GNA14: variants seen among roughly 807,000 people sequenced by gnomAD.
The protein encoded by GNA14 is guanine nucleotide-binding protein subunit alpha-14.
A neutral mutation model predicts 42.0 loss-of-function variants in GNA14; 50 were observed. The observed-to-expected ratio is 1.19, with a 90% CI of 0.95 to 1.51. The LOEUF (loss-of-function observed/expected upper bound fraction) is 1.51, where lower values mean the gene tolerates loss of function less well. Ranked by LOEUF, GNA14 falls within the 40% of genes most tolerant of loss-of-function variation. The pLI is 0.00. For synonymous variants in GNA14, 173 were observed against 163.1 expected (o/e 1.06, Z -0.46); for missense variants, 473 against 446.2 (o/e 1.06, Z -0.54).
At chr9:77,465,392 C>A (rs2131716510) in intron 2 of GNA14, among the ~76,000 whole-genome samples, 1 of 152,280 alleles carries the variant, frequency 6.6e-6, no homozygotes. Context: ...TAGGAAAATA[C>A]CACATTTATT....
intron 2 of GNA14, among the ~76,000 whole-genome samples, chr9:77,525,695 C>A (rs908479225): frequency 2.6e-5 from 4 of 151,926 alleles, no homozygotes; most frequent in South Asian, 2.1e-4. Context: ...CCCGCCAACA[C>A]GCCCGGCTAA....
At chr9:77,618,428 C>T (rs920343348) in intron 1 of GNA14, among the ~76,000 whole-genome samples, 2 of 151,282 alleles carry the variant, frequency 1.3e-5, no homozygotes, top group African/African-American at 4.9e-5. Flanking sequence ...TCTCATTTTA[C>T]AGTAGCTCTC....
intron 2 of GNA14, among the ~76,000 whole-genome samples, chr9:77,478,044 A>T (rs138047431): frequency 1.1e-3 from 171 of 151,054 alleles, no homozygotes; most frequent in African/African-American, 3.8e-3. Flanking sequence ...TTTTTTTTTA[A>T]ACTTTAAGTT....
At chr9:77,554,941 C>T (rs1490104890) in intron 1 of GNA14, among the ~76,000 whole-genome samples, 1 of 152,068 alleles carries the variant, frequency 6.6e-6, no homozygotes, top group Admixed American at 6.6e-5. Flanking sequence ...GATAACAAAA[C>T]GTTGGTGGAT....
At chr9:77,481,862 G>C (rs1836558412) in intron 2 of GNA14, among the ~76,000 whole-genome samples, 1 of 152,042 alleles carries the variant, frequency 6.6e-6, no homozygotes, top group African/African-American at 2.4e-5. Context: ...TCAGAGACTA[G>C]GATTGCAACT....
At position 77,492,640 on chromosome 9, in the gene GNA14, T is replaced by C. The variant is rs545562148; in HGVS notation, c.309+36429A>G. Among the ~76,000 whole-genome samples, 5 of 152,204 alleles carry C rather than the reference T, an allele frequency of 3.3e-5. No homozygotes were observed. The South Asian group carries it at 1.0e-3, about 32-fold the overall frequency. On this transcript the variant is annotated intron_variant, in intron 2 of 6. Transcript: ENST00000341700. ...AGAAATAGAAAACCCTAACGCAATGTATAGCATCTTAACATGCATTTCCCA... is the reference window on the plus strand; with the variant it reads ...AGAAATAGAAAACCCTAACGCAATGCATAGCATCTTAACATGCATTTCCCA...
At chr9:77,589,485 G>A (rs1050962513) in intron 1 of GNA14, among the ~76,000 whole-genome samples, 7 of 152,090 alleles carry the variant, frequency 4.6e-5, no homozygotes, top group African/African-American at 1.7e-4. Context: ...TCACCTTAGG[G>A]TTCAGATATC....
intron 1 of GNA14, among the ~76,000 whole-genome samples, chr9:77,599,445 C>T (rs1587843383): frequency 6.6e-6 from 1 of 152,316 alleles, no homozygotes; most frequent in East Asian, 1.9e-4. Flanking sequence ...TCCTGCTACA[C>T]AGAGGGTAGT....
chr9:77,600,258 C>T (rs1264887007), intron 1 of GNA14, among the ~76,000 whole-genome samples: 1 of 152,150 alleles, frequency 6.6e-6, no homozygotes, highest in African/African-American at 2.4e-5. Flanking sequence ...CCGTGCAATT[C>T]GCACCAGTAA....
In GNA14 at chr9:77,648,026, G is replaced by A. The variant is rs1002043304; in HGVS notation, c.-233C>T. 7 of 536,494 alleles carry A rather than the reference G, an allele frequency of 1.3e-5. No individual in the cohort carries two copies. In the East Asian group the frequency reaches 1.7e-4, roughly 13 times the overall value. 33.2% of individuals were successfully genotyped at this position (536,494 alleles called of 1,614,324 possible). A position where few individuals can be genotyped will look rare whatever the true frequency, so the allele number is the denominator to read the frequency against. On this transcript the variant is annotated 5_prime_UTR_variant, in exon 1 of 7. Coordinates refer to ENST00000341700, the MANE Select transcript of GNA14 (RefSeq NM_004297.4). ...GCTGGGAACGCTCGAGTGCACCCCG[G>A]ATCCGGGCTCAGCCCGCCCCACTCT...
chr9:77,568,491 CAAA>C (rs35795655), intron 1 of GNA14, among the ~76,000 whole-genome samples: 4 of 126,884 alleles, frequency 3.2e-5, no homozygotes, highest in Non-Finnish European at 5.2e-5. Flanking sequence ...GACTCCATCT[CAAA>C]AAAAAAAAAA....
chr9:77,474,711 C>G (rs1445216793), intron 2 of GNA14, among the ~76,000 whole-genome samples: 1 of 152,170 alleles, frequency 6.6e-6, no homozygotes, highest in Non-Finnish European at 1.5e-5. Flanking sequence ...TTCACTGCAG[C>G]ATTATTCATA....
intron 1 of GNA14, among the ~76,000 whole-genome samples, chr9:77,640,336 A>T (rs1824237850): frequency 6.6e-6 from 1 of 152,164 alleles, no homozygotes; most frequent in Admixed American, 6.5e-5. Context: ...CTTTGCTCCA[A>T]TAATTCACTG....
intron 2 of GNA14, among the ~76,000 whole-genome samples, chr9:77,445,552 GA>G (rs762651584): frequency 0.021 from 1,177 of 55,984 alleles, 12 homozygotes; most frequent in African/African-American, 0.054. Flanking sequence ...TCTCTAAGAA[GA>G]AAAAAAAAAA....
intron 2 of GNA14, among the ~76,000 whole-genome samples, chr9:77,480,015 C>A (rs545148972): frequency 2.6e-4 from 40 of 152,324 alleles, no homozygotes; most frequent in Non-Finnish European, 5.3e-4. Context: ...ATTTGACTTC[C>A]TCTTTTCCAA....
intron 1 of GNA14, among the ~76,000 whole-genome samples, chr9:77,560,784 G>A (rs577475830): frequency 6.6e-6 from 1 of 152,136 alleles, no homozygotes; most frequent in South Asian, 2.1e-4. Flanking sequence ...AATGCCTAAT[G>A]CCTCACCTTA....
intron 6 of GNA14, among the ~76,000 whole-genome samples, chr9:77,425,239 C>T (rs1365731123): frequency 6.6e-6 from 1 of 152,100 alleles, no homozygotes; most frequent in Non-Finnish European, 1.5e-5. Flanking sequence ...GAGGAGGCAC[C>T]CTTCCTGCAG....
At chr9:77,515,960 C>CAAAAAAAAAAATA (rs1837248886) in intron 2 of GNA14, among the ~76,000 whole-genome samples, 1 of 52,736 alleles carries the variant, frequency 1.9e-5, no homozygotes, top group Non-Finnish European at 3.5e-5. Flanking sequence ...CCCTGTCTCA[C>CAAAAAAAAAAATA]AAAAAAAAAA....
chr9:77,558,929 C>CA (rs796275094), intron 1 of GNA14, among the ~76,000 whole-genome samples: 8,638 of 144,714 alleles, frequency 0.06, 667 homozygotes, highest in African/African-American at 0.18. Flanking sequence ...AAACAAAAAA[C>CA]AAAAAAAAAA....
Sources: gnomAD v4.1 joint callset for allele counts (sites outside exome capture counted in the v4.1 genomes callset) on GRCh38, gnomAD v4.1.1 for gene constraint, MANE v1.5 for transcripts, NCBI Gene and HGNC (gene_info 2026-07-23, HGNC 2026-07-21) for gene names.